CAMK4: variants seen among roughly 807,000 people sequenced by gnomAD.
CAMK4 encodes the protein calcium/calmodulin dependent protein kinase IV.
Under a neutral mutation model 44.9 loss-of-function variants are expected in CAMK4, and 22 were observed. The observed-to-expected ratio is 0.49, with a 90% CI of 0.35 to 0.70. CAMK4 has a LOEUF of 0.70. Ranked by LOEUF, CAMK4 falls within the 30% of genes least tolerant of loss-of-function variation. The probability of loss-of-function intolerance (pLI) is 0.01; values close to 1 mark genes in which losing one functional copy is unlikely to be tolerated. For synonymous variants in CAMK4, 218 were observed against 215.4 expected, an observed-to-expected ratio of 1.01 and a Z score of -0.11; for missense variants, 498 against 586.8, an observed-to-expected ratio of 0.85 and a Z score of 1.56.
intron 1 of CAMK4, among the ~76,000 whole-genome samples, chr5:111,257,290 TAAAC>T (rs1439858490): frequency 6.6e-6 from 1 of 152,106 alleles, no homozygotes; most frequent in Non-Finnish European, 1.5e-5. Flanking sequence ...ACAAGGAACT[TAAAC>T]AAATTTACAA....
At chr5:111,461,696 C>T (rs946929193) in intron 7 of CAMK4, among the ~76,000 whole-genome samples, 1 of 151,748 alleles carries the variant, frequency 6.6e-6, no homozygotes, top group Non-Finnish European at 1.5e-5. Context: ...CACTCTTCTC[C>T]CTCCTCCCTC....
At chr5:111,253,763 T>A (rs186817016) in intron 1 of CAMK4, among the ~76,000 whole-genome samples, 6 of 152,310 alleles carry the variant, frequency 3.9e-5, no homozygotes, top group Admixed American at 2.6e-4. Flanking sequence ...TTTTCAATAG[T>A]AAGTGAGACA....
chr5:111,404,158 A>G (rs1232918859), intron 5 of CAMK4, among the ~76,000 whole-genome samples: 1 of 152,198 alleles, frequency 6.6e-6, no homozygotes, highest in African/African-American at 2.4e-5. Flanking sequence ...AGTAGGAGTT[A>G]TGAATATTGA....
chr5:111,355,373 C>A (rs959683654), intron 2 of CAMK4, among the ~76,000 whole-genome samples: 2 of 151,992 alleles, frequency 1.3e-5, no homozygotes, highest in East Asian at 1.9e-4. Flanking sequence ...GTATGCTTTA[C>A]CATTCAAGAA....
rs527482217 is a variant in CAMK4 at position 111,428,377 on chromosome 5, A to G, written c.460-18309A>G. On this transcript the variant is annotated intron_variant, in intron 5 of 10. Coordinates refer to ENST00000282356, the MANE Select transcript of CAMK4 (RefSeq NM_001744.6). Reference sequence around the variant, plus strand: ...TCTCCAGGAAAACATGATCTTACCAAATGAACTAAATAAGGCACCAGGGAC... The same window carrying G: ...TCTCCAGGAAAACATGATCTTACCAGATGAACTAAATAAGGCACCAGGGAC... Among the ~76,000 whole-genome samples, 3 of 152,346 alleles carry G rather than the reference A, an allele frequency of 2.0e-5. No individual in the cohort carries two copies. In the East Asian group the frequency reaches 5.8e-4, roughly 29 times the overall value.
At chr5:111,369,148 C>T (rs939379989) in intron 2 of CAMK4, among the ~76,000 whole-genome samples, 2 of 151,640 alleles carry the variant, frequency 1.3e-5, no homozygotes, top group African/African-American at 4.8e-5. Flanking sequence ...TCACTGCAAC[C>T]TCCACCTCCT....
At chr5:111,374,776 T>C (rs1243934088) in intron 2 of CAMK4, 74 bp from the exon 3 acceptor site, 4 of 895,226 alleles carry the variant, frequency 4.5e-6, no homozygotes, top group Non-Finnish European at 7.5e-6. Context: ...CAGGTAGTTA[T>C]TGCTGTTTCT....
intron 1 of CAMK4, among the ~76,000 whole-genome samples, chr5:111,321,476 A>G (rs1290459863): frequency 6.7e-6 from 1 of 149,724 alleles, no homozygotes; most frequent in Non-Finnish European, 1.5e-5. Flanking sequence ...TAATTTATAC[A>G]GTTTCTTAAT....
intron 1 of CAMK4, chr5:111,266,258 A>G (rs911763949): frequency 6.6e-6 from 1 of 151,822 alleles, no homozygotes; most frequent in Non-Finnish European, 1.5e-5. Flanking sequence ...AGAGAGAGAG[A>G]GACGTTTGCC....
intron 5 of CAMK4, among the ~76,000 whole-genome samples, chr5:111,407,233 C>T (rs1210545627): frequency 6.6e-6 from 1 of 151,910 alleles, no homozygotes; most frequent in Non-Finnish European, 1.5e-5. Flanking sequence ...CACCTCTAAT[C>T]CCACCTACTC....
chr5:111,374,960 A>G (rs199836280), intron 3 of CAMK4, 48 bp downstream of exon 3: 3 of 1,307,346 alleles, frequency 2.3e-6, no homozygotes, highest in Non-Finnish European at 3.3e-6. Flanking sequence ...AGAGCTAGAG[A>G]AAGGGACCTT....
chr5:111,298,584 T>C (rs935485893), intron 1 of CAMK4, among the ~76,000 whole-genome samples: 6 of 152,188 alleles, frequency 3.9e-5, no homozygotes, highest in African/African-American at 1.4e-4. Context: ...GGGGAGCCAC[T>C]ATGCTCTTGG....
chr5:111,242,735 G>T (rs1013802328), intron 1 of CAMK4, among the ~76,000 whole-genome samples: 2 of 152,122 alleles, frequency 1.3e-5, no homozygotes, highest in African/African-American at 4.8e-5. Flanking sequence ...CTGGGCTCCA[G>T]CCCTACAGCT....
chr5:111,350,797 A>G lies in CAMK4; in HGVS notation c.240+6695A>G, dbSNP rs80253663. Among the ~76,000 whole-genome samples the G allele has an allele frequency of 3.8e-3, 581 of 152,176 alleles. 7 individuals carry two copies. Among genetic ancestry groups the G allele is most frequent in the African/African-American group, 0.014 (563 of 41,542 alleles). On this transcript the variant is annotated intron_variant, in intron 2 of 10. Transcript: ENST00000282356. ...GATTTTTTTATTCTCTTCTCAGTTA[A>G]TCAAAGAAGCACACATTGTGATTTG... is the stretch of plus-strand genomic sequence containing the variant.
At chr5:111,344,150 G>T in intron 2 of CAMK4, 48 bp downstream of exon 2, 1 of 1,072,856 alleles carries the variant, frequency 9.3e-7, no homozygotes, top group South Asian at 1.3e-5. Flanking sequence ...CCTGTGACCT[G>T]GAGAAGGCAG....
At chr5:111,351,117 A>G (rs563047609) in intron 2 of CAMK4, among the ~76,000 whole-genome samples, 3 of 152,230 alleles carry the variant, frequency 2.0e-5, no homozygotes, top group Admixed American at 6.5e-5. Context: ...CCTGGCATAT[A>G]TTAGGCATTC....
rs916645948 is a variant in CAMK4, at chr5:111,333,391, A to T, written c.162-10633A>T. On this transcript the variant is annotated intron_variant, in intron 1 of 10. Transcript: ENST00000282356. ...GTTGATACTAATAGCTAACAATATG[A>T]TGCATAAAATATTTTGAAGCAAACA... 1.2e-4 allele frequency among the ~76,000 whole-genome samples: 16 copies of T among 138,398 alleles called. 1 individual carries two copies. In the East Asian group the frequency reaches 1.6e-3, roughly 14 times the overall value. 90.8% of individuals were successfully genotyped at this position (138,398 alleles called of 152,430 possible). A position where few individuals can be genotyped will look rare whatever the true frequency, so the allele number is the denominator to read the frequency against.
chr5:111,303,197 T>A (rs1747808135), intron 1 of CAMK4, among the ~76,000 whole-genome samples: 1 of 88,906 alleles, frequency 1.1e-5, no homozygotes, highest in Non-Finnish European at 2.1e-5. Context: ...CCTCTCCTCC[T>A]CCAAAGGAAC....
chr5:111,377,463 T>C (rs1183851229), intron 4 of CAMK4, among the ~76,000 whole-genome samples: 4 of 148,108 alleles, frequency 2.7e-5, no homozygotes, highest in Non-Finnish European at 4.5e-5. Flanking sequence ...TTGCCAACTT[T>C]GGTTTCCTGT....
Sources: allele counts gnomAD v4.1 joint callset (sites outside exome capture counted in the v4.1 genomes callset), GRCh38; gene constraint gnomAD v4.1.1; transcripts MANE v1.5; gene names NCBI Gene and HGNC (gene_info 2026-07-23, HGNC 2026-07-21).